CCDC148: variants seen among roughly 807,000 people sequenced by gnomAD.
CCDC148 encodes coiled-coil domain-containing protein 148.
In CCDC148, 89 loss-of-function variants were observed where a neutral mutation model predicts 85.7. That is an observed-to-expected ratio of 1.04 (90% confidence interval 0.87 to 1.24). CCDC148 has a LOEUF of 1.24. CCDC148 is among the 50% of genes most tolerant of loss of function. The pLI is 0.00. For synonymous variants in CCDC148, 230 were observed against 213.9 expected (o/e 1.08, Z -0.66); for missense variants, 692 against 671.7 (o/e 1.03, Z -0.33).
intron 11 of CCDC148, among the ~76,000 whole-genome samples, chr2:158,185,870 TAATA>T (rs1054939239): frequency 3.9e-5 from 6 of 152,036 alleles, no homozygotes; most frequent in African/African-American, 1.4e-4. Context: ...AATTTAAAAA[TAATA>T]AACGGACAAA....
intron 9 of CCDC148, among the ~76,000 whole-genome samples, chr2:158,278,371 G>C (rs1574528959): frequency 6.6e-6 from 1 of 152,160 alleles, no homozygotes; most frequent in African/African-American, 2.4e-5. Flanking sequence ...CCCTTTCCTA[G>C]TCAAAGAAAG....
intron 11 of CCDC148, among the ~76,000 whole-genome samples, chr2:158,193,478 A>G (rs1475601090): frequency 1.3e-5 from 2 of 152,076 alleles, no homozygotes; most frequent in East Asian, 1.9e-4. Flanking sequence ...AAAAGCTCAC[A>G]GTATTTTTTT....
intron 9 of CCDC148, among the ~76,000 whole-genome samples, chr2:158,278,343 G>A (rs1045716395): frequency 7.2e-5 from 11 of 152,152 alleles, no homozygotes; most frequent in Non-Finnish European, 1.3e-4. Context: ...CTCGGGATGC[G>A]AAAGGGATCA....
chr2:158,218,072 T>C (rs962154448), intron 11 of CCDC148, among the ~76,000 whole-genome samples: 1 of 152,216 alleles, frequency 6.6e-6, no homozygotes, highest in African/African-American at 2.4e-5. Flanking sequence ...TATAATATTA[T>C]AAAAATTTTT....
chr2:158,359,214 T>A (rs1683815526), intron 1 of CCDC148, among the ~76,000 whole-genome samples: 1 of 152,122 alleles, frequency 6.6e-6, no homozygotes, highest in South Asian at 2.1e-4. Context: ...TAAAGTACAA[T>A]AACTTGAGTA....
chr2:158,351,219 G>A (rs1683253623), intron 2 of CCDC148, among the ~76,000 whole-genome samples: 1 of 152,122 alleles, frequency 6.6e-6, no homozygotes, highest in African/African-American at 2.4e-5. Flanking sequence ...TAAAGGTAAG[G>A]GCTGACCATA....
At chr2:158,183,725 T>C (rs1284677254) in intron 11 of CCDC148, among the ~76,000 whole-genome samples, 1 of 152,162 alleles carries the variant, frequency 6.6e-6, no homozygotes, top group African/African-American at 2.4e-5. Flanking sequence ...AACTTGCTAC[T>C]TAGTGTTTAA....
At chr2:158,379,179 G>T (rs1474920666) in intron 1 of CCDC148, among the ~76,000 whole-genome samples, 1 of 152,126 alleles carries the variant, frequency 6.6e-6, no homozygotes, top group Non-Finnish European at 1.5e-5. Context: ...GAGTTTGGAA[G>T]AGGTTGATTC....
intron 1 of CCDC148, among the ~76,000 whole-genome samples, chr2:158,412,610 T>C (rs1686308480): frequency 6.6e-6 from 1 of 152,022 alleles, no homozygotes; most frequent in South Asian, 2.1e-4. Context: ...TTATGGAAAA[T>C]TGCCAAAGTT....
intron 9 of CCDC148, among the ~76,000 whole-genome samples, chr2:158,266,965 T>TATATGTGTGTGTGTATATATATACAC (rs2105158542): frequency 6.6e-6 from 1 of 151,040 alleles, no homozygotes; most frequent in East Asian, 2.0e-4. Context: ...TATATATATA[T>TATATGTGTGTGTGTATATATATACAC]ACACATATAT....
chr2:158,199,156 C>G (rs1206557141), intron 11 of CCDC148, among the ~76,000 whole-genome samples: 1 of 152,086 alleles, frequency 6.6e-6, no homozygotes, highest in African/African-American at 2.4e-5. Flanking sequence ...TTCATCTGCT[C>G]TAAGGTGTAT....
At chr2:158,426,433 C>A (rs1245020087) in intron 1 of CCDC148, among the ~76,000 whole-genome samples, 1 of 152,172 alleles carries the variant, frequency 6.6e-6, no homozygotes, top group East Asian at 1.9e-4. Flanking sequence ...TAAGCATTTG[C>A]ATATTCAGAT....
Position 158,330,469 on chromosome 2 carries a change from C to CT in CCDC148, c.764+8256dup, listed in dbSNP as rs569473065. Among the ~76,000 whole-genome samples, 1,468 of 152,118 alleles carry CT rather than the reference C, an allele frequency of 9.7e-3. 19 individuals are homozygous for CT. The highest frequency in any genetic ancestry group is 0.033 in the African/African-American group (1,359 of 41,492). On this transcript the variant is annotated intron_variant, in intron 7 of 13. Transcript: ENST00000283233. ...ATCAGCGATATTGGTCTAAAATTTT[C>CT]TTTTTTTGTTGTGTCTCTGGCAGGC...
intron 9 of CCDC148, among the ~76,000 whole-genome samples, chr2:158,257,070 A>G (rs533619580): frequency 6.6e-6 from 1 of 151,280 alleles, no homozygotes; most frequent in African/African-American, 2.4e-5. Context: ...TGCCTCTTGC[A>G]TTGATCTTTA....
At chr2:158,359,496 GGGACT>G (rs1397481248) in intron 1 of CCDC148, among the ~76,000 whole-genome samples, 1 of 152,118 alleles carries the variant, frequency 6.6e-6, no homozygotes, top group Non-Finnish European at 1.5e-5. Flanking sequence ...TCATCTCATT[GGGACT>G]GGTTAGACAG....
chr2:158,443,786 G>C (rs1253146675), intron 1 of CCDC148, among the ~76,000 whole-genome samples: 1 of 152,164 alleles, frequency 6.6e-6, no homozygotes, highest in Non-Finnish European at 1.5e-5. Context: ...CAGGGCCATA[G>C]AGATTGAATG....
chr2:158,260,897 T>C (rs1335889957), intron 9 of CCDC148, among the ~76,000 whole-genome samples: 1 of 151,976 alleles, frequency 6.6e-6, no homozygotes, highest in African/African-American at 2.4e-5. Context: ...CATACCATGC[T>C]CATGGATAGG....
chr2:158,414,510 AC>A (rs775017329), intron 1 of CCDC148, among the ~76,000 whole-genome samples: 6 of 152,274 alleles, frequency 3.9e-5, no homozygotes, highest in Non-Finnish European at 7.3e-5. Context: ...TGTGTGCTCC[AC>A]CATGGCACAC....
At chr2:158,383,392 A>C (rs1321846121) in intron 1 of CCDC148, among the ~76,000 whole-genome samples, 4 of 151,690 alleles carry the variant, frequency 2.6e-5, no homozygotes, top group African/African-American at 7.3e-5. Flanking sequence ...GCAAGATAAG[A>C]GATAGGAATA....
Sources: gnomAD v4.1 joint callset for allele counts (sites outside exome capture counted in the v4.1 genomes callset) on GRCh38, gnomAD v4.1.1 for gene constraint, MANE v1.5 for transcripts, NCBI Gene and HGNC (gene_info 2026-07-23, HGNC 2026-07-21) for gene names.